NRG3: variants seen among roughly 807,000 people sequenced by gnomAD.
NRG3 encodes neuregulin 3.
In NRG3, 31 loss-of-function variants were observed where a neutral mutation model predicts 66.9. The observed-to-expected ratio is 0.46, with a 90% CI of 0.35 to 0.63. The LOEUF (loss-of-function observed/expected upper bound fraction) is 0.63. NRG3 is among the 20% of genes least tolerant of loss of function. The pLI is 0.00. For missense variants in NRG3, 910 were observed against 878.9 expected (o/e 1.04, Z -0.45); for synonymous variants, 393 against 359.4 (o/e 1.09, Z -1.06).
chr10:82,145,270 C>G (rs918745440), intron 1 of NRG3, among the ~76,000 whole-genome samples: 1 of 152,146 alleles, frequency 6.6e-6, no homozygotes, highest in African/African-American at 2.4e-5. Flanking sequence ...AATGGAAGAC[C>G]CTATTTTCTT....
At chr10:81,915,496 G>GTTTT (rs78693924) in intron 1 of NRG3, among the ~76,000 whole-genome samples, 4 of 130,734 alleles carry the variant, frequency 3.1e-5, no homozygotes, top group African/African-American at 1.2e-4. Flanking sequence ...CACTTCTTTA[G>GTTTT]TTTTTTTTTT....
rs113323956 is a variant in NRG3 at position 82,600,785 on chromosome 10, A to AT, written c.954-137784dup. Among the ~76,000 whole-genome samples, 543 of 151,768 alleles carry AT rather than the reference A, an allele frequency of 3.6e-3. 1 individual carries two copies. The highest frequency in any genetic ancestry group is 0.012 in the African/African-American group (514 of 41,350). Reference sequence around the variant, plus strand: ...GCCTGGCCATATCTCATTTATTTTTATTTTTTTTAATTTTTATTTTAGATT... The same window carrying AT: ...GCCTGGCCATATCTCATTTATTTTTATTTTTTTTTAATTTTTATTTTAGATT... On this transcript the variant is annotated intron_variant, in intron 2 of 8. Transcript: ENST00000372141.
At chr10:82,847,916 A>T (rs1159919650) in intron 3 of NRG3, among the ~76,000 whole-genome samples, 1 of 152,200 alleles carries the variant, frequency 6.6e-6, no homozygotes, top group Non-Finnish European at 1.5e-5. Context: ...GCATTGAGTA[A>T]ATATTTGCTA....
intron 7 of NRG3, among the ~76,000 whole-genome samples, chr10:82,974,278 C>A (rs370117175): frequency 2.0e-5 from 3 of 152,120 alleles, no homozygotes; most frequent in East Asian, 1.9e-4. Flanking sequence ...CCTAATGTGA[C>A]AGACTTCAGG....
chr10:82,081,489 A>G (rs1440677104), intron 1 of NRG3, among the ~76,000 whole-genome samples: 1 of 152,152 alleles, frequency 6.6e-6, no homozygotes, highest in African/African-American at 2.4e-5. Context: ...GCCTCACTCA[A>G]CATGTAGCAA....
chr10:82,865,496 A>G (rs1840625947), intron 4 of NRG3, 59 bp downstream of exon 4: 1 of 1,509,810 alleles, frequency 6.6e-7, no homozygotes. Flanking sequence ...TATGATGTAC[A>G]TAGTGCTTTC....
chr10:82,639,521 A>G (rs947663437), intron 2 of NRG3, among the ~76,000 whole-genome samples: 2 of 152,248 alleles, frequency 1.3e-5, no homozygotes, highest in Non-Finnish European at 2.9e-5. Flanking sequence ...ACAGTTGGTC[A>G]GTTGCAACCA....
intron 4 of NRG3, among the ~76,000 whole-genome samples, chr10:82,938,201 A>G (rs970707418): frequency 6.6e-6 from 1 of 152,168 alleles, no homozygotes; most frequent in Non-Finnish European, 1.5e-5. Flanking sequence ...CTGTTGGATC[A>G]TGCTGGTCCA....
intron 3 of NRG3, among the ~76,000 whole-genome samples, chr10:82,862,720 T>A (rs10885423): frequency 6.6e-6 from 1 of 151,956 alleles, no homozygotes; most frequent in African/African-American, 2.4e-5. Context: ...TGATATAAAC[T>A]TCTTTGTCTA....
chr10:82,324,049 G>A (rs1319398095), intron 1 of NRG3, among the ~76,000 whole-genome samples: 2 of 151,992 alleles, frequency 1.3e-5, no homozygotes, highest in Non-Finnish European at 2.9e-5. Context: ...ATTTTTTGTA[G>A]AGACGGGGTT....
chr10:82,895,732 C>T lies in NRG3; in HGVS notation c.1054+30295C>T, dbSNP rs147898352. Among the ~76,000 whole-genome samples the T allele has an allele frequency of 1.4e-3, 218 of 152,138 alleles. 2 individuals are homozygous for T. The highest frequency in any genetic ancestry group is 5.0e-3 in the African/African-American group (208 of 41,520). On this transcript the variant is annotated intron_variant, in intron 4 of 8. Transcript: ENST00000372141. ...GTCTCGATCTCCTCACCTCGTGATC[C>T]GCCCGCCTTGGCCTCCCAAAAGTGC...
In NRG3 at chr10:81,957,167, G is replaced by A. The variant is rs79191710; in HGVS notation, c.823+81004G>A. Among the ~76,000 whole-genome samples, 838 of 152,238 alleles carry A rather than the reference G, an allele frequency of 5.5e-3. 3 individuals are homozygous for A. The highest frequency in any genetic ancestry group is 0.019 in the African/African-American group (780 of 41,550). On this transcript the variant is annotated intron_variant, in intron 1 of 8. Coordinates refer to ENST00000372141, the MANE Select transcript of NRG3 (RefSeq NM_001010848.4). ...GGTGATGGCAAAACTTGAAGGTGGAGGCAGCCTAGGTCCCTGAATCACCAC... is the reference window on the plus strand; with the variant it reads ...GGTGATGGCAAAACTTGAAGGTGGAAGCAGCCTAGGTCCCTGAATCACCAC...
intron 5 of NRG3, among the ~76,000 whole-genome samples, chr10:82,952,146 G>T (rs1221664908): frequency 6.6e-6 from 1 of 152,100 alleles, no homozygotes; most frequent in Non-Finnish European, 1.5e-5. Flanking sequence ...ACTAGAAATA[G>T]ATGTAGGCCA....
At chr10:81,913,643 C>T (rs572900134) in intron 1 of NRG3, among the ~76,000 whole-genome samples, 1 of 152,136 alleles carries the variant, frequency 6.6e-6, no homozygotes, top group African/African-American at 2.4e-5. Context: ...AGGCTGGTCT[C>T]GAACTCGTGG....
chr10:82,434,610 A>C (rs937105123), intron 2 of NRG3, among the ~76,000 whole-genome samples: 3 of 152,120 alleles, frequency 2.0e-5, no homozygotes, highest in African/African-American at 7.2e-5. Flanking sequence ...TATTATTTTG[A>C]GATATGTTCC....
chr10:82,942,022 T>C (rs1056758610), intron 4 of NRG3, among the ~76,000 whole-genome samples: 1 of 151,938 alleles, frequency 6.6e-6, no homozygotes, highest in African/African-American at 2.4e-5. Flanking sequence ...TGTGTGTGTG[T>C]GTGCTTCAAC....
chr10:82,061,872 AACAC>A (rs71007292), intron 1 of NRG3, among the ~76,000 whole-genome samples: 10 of 127,612 alleles, frequency 7.8e-5, no homozygotes, highest in Non-Finnish European at 1.1e-4. Flanking sequence ...CACACACACA[AACAC>A]ACACACACAC....
chr10:82,147,268 C>G (rs998972121), intron 1 of NRG3, among the ~76,000 whole-genome samples: 14 of 152,098 alleles, frequency 9.2e-5, no homozygotes, highest in Admixed American at 4.6e-4. Flanking sequence ...TGTGATTTGT[C>G]TGGAACCACA....
chr10:82,896,005 T>C (rs1843631933), intron 4 of NRG3, among the ~76,000 whole-genome samples: 1 of 152,204 alleles, frequency 6.6e-6, no homozygotes, highest in Admixed American at 6.5e-5. Flanking sequence ...GAAGTGCCTC[T>C]GTGGTCTATG....
Sources: gnomAD v4.1 joint callset for allele counts (sites outside exome capture counted in the v4.1 genomes callset) on GRCh38, gnomAD v4.1.1 for gene constraint, MANE v1.5 for transcripts, NCBI Gene and HGNC (gene_info 2026-07-23, HGNC 2026-07-21) for gene names.